Variants in PGAP1 observed in about 807,000 individuals in gnomAD.
PGAP1 encodes post-GPI attachment to proteins inositol deacylase 1.
In PGAP1, 76 loss-of-function variants were observed where a neutral mutation model predicts 127.0. That is an observed-to-expected ratio of 0.60 (90% CI 0.50 to 0.72). The LOEUF is 0.72. PGAP1 is among the 30% of genes least tolerant of loss of function. The probability of loss-of-function intolerance (pLI) is 0.00; values close to 1 mark genes in which losing one functional copy is unlikely to be tolerated. For synonymous variants in PGAP1, 362 were observed against 366.5 expected, an observed-to-expected ratio of 0.99 and a Z score of 0.14; for missense variants, 982 against 1,071.3, an observed-to-expected ratio of 0.92 and a Z score of 1.16.
chr2:196,923,979 A>T (rs1252759775), intron 1 of PGAP1, among the ~76,000 whole-genome samples: 2 of 152,252 alleles, frequency 1.3e-5, no homozygotes, highest in Non-Finnish European at 2.9e-5. Flanking sequence ...TAGGGCAAGA[A>T]GCTTTAAAGG....
In PGAP1 at chr2:196,897,162, A is replaced by G. The variant is rs1223274138; in HGVS notation, c.896T>C (p.Phe299Ser). 1 of 1,584,712 alleles carries G rather than the reference A, an allele frequency of 6.3e-7. No individual in the cohort carries two copies. The highest frequency in any genetic ancestry group is 2.3e-5 in the East Asian group (1 of 44,094). ...AGTATCAGCATCAATAAGATCAAAG[A>G]ATGCTCGAACTGTAGTCAACTGCAA... ...KQLQLTTVRA[F>S]FDLIDADTKQ... is the part of the protein sequence containing the mutation. Residue 299 changes from phenylalanine (F) to serine (S), a missense_variant, in exon 7 of 27, where the codon TTC (phenylalanine) becomes TCC (serine). Physicochemically the swap from Phe to Ser is radical, Grantham distance 155. Transcript: ENST00000354764.
rs1335107677 is a variant in PGAP1, at chr2:196,840,708, T to C, written c.*526A>G. ...AAGACAAGATCCACTTTGTTCATGG[T>C]GGCTGCCAAAAACTAACCAAAGGCT... On this transcript the variant is annotated 3_prime_UTR_variant, in exon 27 of 27. Coordinates refer to ENST00000354764, the MANE Select transcript of PGAP1 (RefSeq NM_024989.4). 1.3e-5 allele frequency: 2 copies of C among 152,262 alleles called. No homozygotes were observed. The highest frequency in any genetic ancestry group is 2.9e-5 in the Non-Finnish European group (2 of 68,070). The allele number at this position is 152,262 out of a possible 1,614,324, so 9.4% of individuals were successfully genotyped here. A position where few individuals can be genotyped will look rare whatever the true frequency, so the allele number is the denominator to read the frequency against.
intron 19 of PGAP1, among the ~76,000 whole-genome samples, chr2:196,869,815 G>A (rs996257800): frequency 4.6e-5 from 7 of 152,176 alleles, no homozygotes; most frequent in Non-Finnish European, 8.8e-5. Flanking sequence ...AGGATTAAAT[G>A]AGATAATGCA....
Position 196,880,299 on chromosome 2 carries a change from T to A in PGAP1, c.1273-146A>T. ...TGTTCAGTACTTCATAAAATGCCCA[T>A]GTTTACATTTCCAGGTCAATAATCC... On this transcript the variant is annotated intron_variant, in intron 12 of 26. Coordinates refer to ENST00000354764, the MANE Select transcript of PGAP1 (RefSeq NM_024989.4). 6 of 508,670 alleles carry A rather than the reference T, an allele frequency of 1.2e-5. No homozygotes were observed. In the South Asian group the frequency reaches 1.6e-4, roughly 14 times the overall value. The allele number at this position is 508,670 out of a possible 1,614,324, so 31.5% of individuals were successfully genotyped here.
intron 19 of PGAP1, among the ~76,000 whole-genome samples, chr2:196,866,775 G>GA (rs997404882): frequency 4.7e-5 from 7 of 148,786 alleles, no homozygotes; most frequent in African/African-American, 7.4e-5. Flanking sequence ...AAATTCACAA[G>GA]AAAAAAAAAC....
At chr2:196,865,375 G>A (rs553358684) in intron 19 of PGAP1, among the ~76,000 whole-genome samples, 122 of 152,230 alleles carry the variant, frequency 8.0e-4, no homozygotes, top group African/African-American at 2.9e-3. Flanking sequence ...AGGCACAACA[G>A]TAAACACCTT....
intron 4 of PGAP1, among the ~76,000 whole-genome samples, chr2:196,904,636 G>A (rs895171549): frequency 1.3e-5 from 2 of 152,104 alleles, no homozygotes; most frequent in African/African-American, 4.8e-5. Flanking sequence ...GCTGAGGCAG[G>A]AGAATCGCTT....
chr2:196,880,556 C>T (rs1044475634), intron 12 of PGAP1, among the ~76,000 whole-genome samples: 1 of 152,014 alleles, frequency 6.6e-6, no homozygotes, highest in South Asian at 2.1e-4. Flanking sequence ...CATTCAATAG[C>T]TGATGAATGA....
At chr2:196,874,796 T>C (rs1277822572) in intron 14 of PGAP1, among the ~76,000 whole-genome samples, 1 of 152,186 alleles carries the variant, frequency 6.6e-6, no homozygotes, top group Non-Finnish European at 1.5e-5. Flanking sequence ...TGCTGATTTC[T>C]TGAGTCCAGG....
chr2:196,916,556 C>G lies in PGAP1; in HGVS notation c.339G>C (p.Glu113Asp), dbSNP rs1457240197. 1.9e-6 allele frequency: 3 copies of G among 1,612,696 alleles called. No homozygotes were observed. Residue 113 changes from glutamate (E) to aspartate (D), a missense_variant, in exon 3 of 27, where the codon GAG becomes GAC. Transcript: ENST00000354764. ...CAAAGTGGTACTTGAAGTCAATGTC[C>G]TCTGCTTTTCTAAGTGCAATGGAGC... ...SIGSIALRKA[E>D]DIDFKYHFDF...
intron 23 of PGAP1, among the ~76,000 whole-genome samples, chr2:196,845,467 T>C (rs1700530689): frequency 6.6e-6 from 1 of 151,878 alleles, no homozygotes; most frequent in Non-Finnish European, 1.5e-5. Flanking sequence ...TCAGCAACAT[T>C]TGTAACATTT....
intron 4 of PGAP1, among the ~76,000 whole-genome samples, chr2:196,911,606 T>TAAAAAAAA (rs56107551): frequency 1.6e-4 from 12 of 77,296 alleles, no homozygotes; most frequent in East Asian, 4.0e-4. Context: ...TAGAGTATAA[T>TAAAAAAAA]AAAAAAAAAA....
At chr2:196,861,938 T>C (rs1701080182) in intron 20 of PGAP1, among the ~76,000 whole-genome samples, 1 of 150,432 alleles carries the variant, frequency 6.6e-6, no homozygotes, top group African/African-American at 2.5e-5. Flanking sequence ...GGAGGATGTA[T>C]GTCGCCTCAG....
intron 3 of PGAP1, among the ~76,000 whole-genome samples, chr2:196,915,060 A>G (rs559092235): frequency 3.9e-4 from 60 of 152,220 alleles, no homozygotes; most frequent in African/African-American, 1.4e-3. Context: ...TCCTCATCTT[A>G]TTTGACCTAT....
intron 1 of PGAP1, among the ~76,000 whole-genome samples, chr2:196,921,936 T>C (rs567670993): frequency 4.9e-4 from 75 of 152,032 alleles, no homozygotes; most frequent in Middle Eastern, 3.4e-3. Context: ...TTGACCACAT[T>C]GACAGAAAAA....
chr2:196,919,354 A>T (rs1295384939), intron 2 of PGAP1, among the ~76,000 whole-genome samples: 2 of 152,208 alleles, frequency 1.3e-5, no homozygotes, highest in African/African-American at 4.8e-5. Context: ...CACGTAAATA[A>T]TTGCACATGT....
At chr2:196,851,950 T>A (rs1700733139) in intron 20 of PGAP1, among the ~76,000 whole-genome samples, 1 of 152,190 alleles carries the variant, frequency 6.6e-6, no homozygotes, top group South Asian at 2.1e-4. Context: ...AATTTACTTT[T>A]GGTTTTCTGT....
chr2:196,900,741 T>C (rs1437518444), intron 5 of PGAP1, among the ~76,000 whole-genome samples: 1 of 152,000 alleles, frequency 6.6e-6, no homozygotes, highest in Non-Finnish European at 1.5e-5. Flanking sequence ...CTGGCTAACA[T>C]GGTGAAACCC....
At chr2:196,856,768 C>A (rs1412280659) in intron 20 of PGAP1, among the ~76,000 whole-genome samples, 1 of 152,168 alleles carries the variant, frequency 6.6e-6, no homozygotes, top group African/African-American at 2.4e-5. Flanking sequence ...TTCTTAGTGA[C>A]CTTTTTTACT....
Sources: gnomAD v4.1 joint callset for allele counts (sites outside exome capture counted in the v4.1 genomes callset) on GRCh38, gnomAD v4.1.1 for gene constraint, MANE v1.5 for transcripts, NCBI Gene and HGNC (gene_info 2026-07-23, HGNC 2026-07-21) for gene names.